COPS4: variants seen among roughly 807,000 people sequenced by gnomAD.
COPS4 encodes COP9 signalosome complex subunit 4.
In COPS4, 8 loss-of-function variants were observed where a neutral mutation model predicts 55.1. The observed-to-expected ratio is 0.15, with a 90% CI of 0.09 to 0.26. The LOEUF is 0.26. Ranked by LOEUF, COPS4 falls within the 10% of genes least tolerant of loss-of-function variation. The pLI, the probability that COPS4 is intolerant of heterozygous loss-of-function variation, is 1.00. For synonymous variants in COPS4, 185 were observed against 165.7 expected, an observed-to-expected ratio of 1.12 and a Z score of -0.90; for missense variants, 248 against 484.0, an observed-to-expected ratio of 0.51 and a Z score of 4.58.
At chr4:83,074,931 G>A (rs1435092846) in intron 9 of COPS4, among the ~76,000 whole-genome samples, 2 of 151,850 alleles carry the variant, frequency 1.3e-5, no homozygotes, top group Admixed American at 6.6e-5. Context: ...GACCAGCCTG[G>A]CCAAGGTGGT....
intron 1 of COPS4, among the ~76,000 whole-genome samples, chr4:83,040,382 G>A (rs374662829): frequency 8.5e-5 from 13 of 152,210 alleles, no homozygotes; most frequent in East Asian, 5.8e-4. Flanking sequence ...CATTACCTGA[G>A]GGTGCTAACA....
At chr4:83,066,901 A>G (rs1052060323) in intron 8 of COPS4, among the ~76,000 whole-genome samples, 6 of 152,228 alleles carry the variant, frequency 3.9e-5, no homozygotes, top group Admixed American at 1.3e-4. Flanking sequence ...CAAAGTACCA[A>G]TGACATTCAG....
intron 9 of COPS4, 72 bp downstream of exon 9, chr4:83,068,594 G>A: frequency 1.1e-6 from 1 of 930,656 alleles, no homozygotes; most frequent in Non-Finnish European, 1.7e-6. Flanking sequence ...AAAACATGTT[G>A]GACAGTTTCC....
At chr4:83,069,315 C>T (rs1355060770) in intron 9 of COPS4, among the ~76,000 whole-genome samples, 2 of 152,168 alleles carry the variant, frequency 1.3e-5, no homozygotes, top group African/African-American at 4.8e-5. Context: ...TGGCCATAAC[C>T]TTTTTCTTGT....
chr4:83,056,160 G>A (rs949917766), intron 4 of COPS4, among the ~76,000 whole-genome samples: 3 of 152,008 alleles, frequency 2.0e-5, no homozygotes, highest in African/African-American at 4.8e-5. Context: ...TTGAACTCCT[G>A]ACCTCAGGTG....
chr4:83,039,776 C>T (rs185307158), intron 1 of COPS4, among the ~76,000 whole-genome samples: 56 of 152,246 alleles, frequency 3.7e-4, no homozygotes, highest in Admixed American at 1.0e-3. Flanking sequence ...GGACTATAGG[C>T]ACGTGACACC....
chr4:83,039,126 G>C (rs1391465737), intron 1 of COPS4, among the ~76,000 whole-genome samples: 1 of 152,086 alleles, frequency 6.6e-6, no homozygotes, highest in East Asian at 1.9e-4. Flanking sequence ...AGTTTGGATT[G>C]GGCCCAGCTG....
At chr4:83,067,975 G>A (rs762893798) in intron 8 of COPS4, among the ~76,000 whole-genome samples, 50 of 152,146 alleles carry the variant, frequency 3.3e-4, no homozygotes, top group Non-Finnish European at 1.9e-4. Flanking sequence ...CAGGAGTTAG[G>A]TAGTAGACCT....
intron 9 of COPS4, among the ~76,000 whole-genome samples, chr4:83,069,916 G>A (rs1731378091): frequency 6.6e-6 from 1 of 152,100 alleles, no homozygotes; most frequent in Non-Finnish European, 1.5e-5. Flanking sequence ...CCTGAGGTTA[G>A]CAGTTATTTT....
chr4:83,048,804 A>C lies in COPS4; in HGVS notation c.155-362A>C, dbSNP rs541986048. ...CTACAGGTGCCCACCACCATGCCTGACTAATTTTTTTTTTGTATTTTTAGT... is the reference window on the plus strand; with the variant it reads ...CTACAGGTGCCCACCACCATGCCTGCCTAATTTTTTTTTTGTATTTTTAGT... On this transcript the variant is annotated intron_variant, in intron 2 of 9. Coordinates refer to ENST00000264389, the MANE Select transcript of COPS4 (RefSeq NM_016129.3). Among the ~76,000 whole-genome samples the C allele has an allele frequency of 5.3e-5, 8 of 151,584 alleles. No individual in the cohort carries two copies. In the South Asian group the frequency reaches 1.7e-3, roughly 32 times the overall value.
At chr4:83,044,782 A>G (rs1163691412) in intron 1 of COPS4, among the ~76,000 whole-genome samples, 2 of 151,208 alleles carry the variant, frequency 1.3e-5, no homozygotes, top group Non-Finnish European at 3.0e-5. Context: ...CTTCAAAAAC[A>G]ACAACAACAA....
At chr4:83,048,696 C>T (rs1463827849) in intron 2 of COPS4, among the ~76,000 whole-genome samples, 2 of 152,054 alleles carry the variant, frequency 1.3e-5, no homozygotes, top group South Asian at 2.1e-4. Flanking sequence ...GGCTGGAGTA[C>T]GGTGCTGTGA....
intron 2 of COPS4, among the ~76,000 whole-genome samples, chr4:83,048,166 A>G (rs1286750028): frequency 2.0e-5 from 3 of 152,226 alleles, no homozygotes; most frequent in Non-Finnish European, 2.9e-5. Context: ...TTTAAGCTTC[A>G]TAACAACCTT....
intron 9 of COPS4, among the ~76,000 whole-genome samples, chr4:83,074,097 G>A (rs1419847682): frequency 6.6e-6 from 1 of 152,112 alleles, no homozygotes; most frequent in Non-Finnish European, 1.5e-5. Flanking sequence ...AAACCCTGGT[G>A]GATTCAAGAT....
At chr4:83,047,138 A>G (rs1730737344) in intron 2 of COPS4, among the ~76,000 whole-genome samples, 2 of 152,242 alleles carry the variant, frequency 1.3e-5, no homozygotes, top group Admixed American at 6.5e-5. Context: ...TTAAAAAATC[A>G]TGGCCTCCGG....
chr4:83,036,270 G>A (rs1014629778), intron 1 of COPS4, among the ~76,000 whole-genome samples: 7 of 124,038 alleles, frequency 5.6e-5, no homozygotes, highest in Non-Finnish European at 3.5e-5. Context: ...CCCCCCCCCC[G>A]CCGCCACCCG....
intron 4 of COPS4, among the ~76,000 whole-genome samples, chr4:83,051,729 A>G (rs1241952510): frequency 6.6e-6 from 1 of 152,238 alleles, no homozygotes; most frequent in Non-Finnish European, 1.5e-5. Flanking sequence ...CTAGATATAC[A>G]TATTTGGGAG....
intron 6 of COPS4, 61 bp from the exon 7 acceptor site, chr4:83,063,015 T>C: frequency 7.1e-7 from 1 of 1,416,744 alleles, no homozygotes; most frequent in Non-Finnish European, 9.5e-7. Flanking sequence ...AGGTTTTTTT[T>C]TCCTGAAGAA....
In COPS4 at chr4:83,066,909, C is replaced by T. The variant is rs77550856; in HGVS notation, c.1002+356C>T. Among the ~76,000 whole-genome samples the T allele has an allele frequency of 2.3e-3, 351 of 152,244 alleles. 15 individuals are homozygous for T. In the East Asian group the frequency reaches 0.061, roughly 27 times the overall value. On this transcript the variant is annotated intron_variant, in intron 8 of 9. Transcript: ENST00000264389. ...AATCCAACAAAGTACCAATGACATT[C>T]AGAGAGTATTGCAGGTATCATTTAC...
Sources: allele counts gnomAD v4.1 joint callset (sites outside exome capture counted in the v4.1 genomes callset), GRCh38; gene constraint gnomAD v4.1.1; transcripts MANE v1.5; gene names NCBI Gene and HGNC (gene_info 2026-07-23, HGNC 2026-07-21).